GALNTL6: variants seen among roughly 807,000 people sequenced by gnomAD.
GALNTL6 encodes polypeptide N-acetylgalactosaminyltransferase-like 6.
GALNTL6 carries 46 observed loss-of-function variants against 73.7 expected under a neutral mutation model. That is an observed-to-expected ratio of 0.62 (90% confidence interval 0.49 to 0.80). The LOEUF (loss-of-function observed/expected upper bound fraction) is 0.80, where lower values mean the gene tolerates loss of function less well. Among genes scored for constraint, GALNTL6 ranks in the 30% least tolerant of loss-of-function variants. The pLI is 0.00. For synonymous variants in GALNTL6, 259 were observed against 263.7 expected (o/e 0.98, Z 0.17); for missense variants, 604 against 755.0 (o/e 0.80, Z 2.34).
At chr4:172,161,814 C>T (rs750799740) in intron 2 of GALNTL6, among the ~76,000 whole-genome samples, 2 of 151,898 alleles carry the variant, frequency 1.3e-5, no homozygotes, top group Non-Finnish European at 2.9e-5. Flanking sequence ...GATCAGAGTG[C>T]TATGCTTGAC....
Position 172,554,570 on chromosome 4 carries a change from G to A in GALNTL6, c.553+205881G>A, listed in dbSNP as rs142033857. Among the ~76,000 whole-genome samples the A allele has an allele frequency of 1.4e-4, 22 of 152,198 alleles. 1 individual carries two copies. The highest frequency in any genetic ancestry group is 1.0e-3 in the Admixed American group (16 of 15,290). ...ACAGAATATTAGTAGCTACCATGAG[G>A]CCCTACTTTCTCCTCCCCACTAGAA... On this transcript the variant is annotated intron_variant, in intron 5 of 12. Transcript: ENST00000506823.
chr4:171,851,217 A>G (rs1735514807), intron 2 of GALNTL6, among the ~76,000 whole-genome samples: 1 of 152,150 alleles, frequency 6.6e-6, no homozygotes, highest in Non-Finnish European at 1.5e-5. Flanking sequence ...TTACTTTTCC[A>G]TCTCATATTT....
intron 7 of GALNTL6, among the ~76,000 whole-genome samples, chr4:172,830,886 G>A (rs929644480): frequency 1.3e-5 from 2 of 152,162 alleles, no homozygotes; most frequent in African/African-American, 4.8e-5. Flanking sequence ...TCAGGCGGGA[G>A]CAGTAGCGCA....
intron 2 of GALNTL6, among the ~76,000 whole-genome samples, chr4:172,177,760 T>TACAC (rs1735058892): frequency 8.0e-5 from 7 of 87,236 alleles, no homozygotes; most frequent in Non-Finnish European, 1.3e-4. Flanking sequence ...TATATGTGTG[T>TACAC]ATATATATGT....
At chr4:172,223,720 A>G (rs888311130) in intron 2 of GALNTL6, among the ~76,000 whole-genome samples, 1 of 152,146 alleles carries the variant, frequency 6.6e-6, no homozygotes, top group Non-Finnish European at 1.5e-5. Flanking sequence ...ATCAAATTCT[A>G]GCTTGCCACT....
chr4:172,848,686 T>A (rs1251459120), intron 7 of GALNTL6, among the ~76,000 whole-genome samples: 1 of 152,172 alleles, frequency 6.6e-6, no homozygotes, highest in Non-Finnish European at 1.5e-5. Context: ...TAATGCACAT[T>A]AAAAGGGTTA....
At chr4:172,012,589 C>T (rs935110913) in intron 2 of GALNTL6, among the ~76,000 whole-genome samples, 1 of 151,816 alleles carries the variant, frequency 6.6e-6, no homozygotes. Flanking sequence ...AACTGTAAAC[C>T]CTCTCCTGAG....
At chr4:172,824,890 A>G (rs993704803) in intron 7 of GALNTL6, among the ~76,000 whole-genome samples, 4 of 152,202 alleles carry the variant, frequency 2.6e-5, no homozygotes, top group Non-Finnish European at 5.9e-5. Context: ...AGAAGTCATT[A>G]GTCTTTACTG....
chr4:172,949,016 T>C (rs928059698), intron 9 of GALNTL6, among the ~76,000 whole-genome samples: 5 of 152,218 alleles, frequency 3.3e-5, no homozygotes. Flanking sequence ...AGTTCCTCTA[T>C]GAGTTTTGCA....
chr4:173,017,139 CCT>C (rs1752815789), intron 11 of GALNTL6, among the ~76,000 whole-genome samples: 1 of 152,172 alleles, frequency 6.6e-6, no homozygotes, highest in Non-Finnish European at 1.5e-5. Context: ...GTCAATTAAA[CCT>C]CTTTCTTTTA....
intron 8 of GALNTL6, among the ~76,000 whole-genome samples, chr4:172,895,109 G>A (rs1389762660): frequency 6.6e-6 from 1 of 151,326 alleles, no homozygotes; most frequent in Admixed American, 6.6e-5. Flanking sequence ...TTTCTTATAG[G>A]CAGCATATAG....
chr4:172,060,156 A>G (rs1057353805), intron 2 of GALNTL6, among the ~76,000 whole-genome samples: 1 of 152,228 alleles, frequency 6.6e-6, no homozygotes, highest in African/African-American at 2.4e-5. Flanking sequence ...CCAAATTAAT[A>G]CCATCTTAAC....
intron 5 of GALNTL6, among the ~76,000 whole-genome samples, chr4:172,574,357 G>A (rs1736882438): frequency 6.6e-6 from 1 of 151,824 alleles, no homozygotes; most frequent in Non-Finnish European, 1.5e-5. Flanking sequence ...GAGAGGTTTT[G>A]CAGTAGTATG....
intron 2 of GALNTL6, among the ~76,000 whole-genome samples, chr4:172,139,127 C>T (rs1039467801): frequency 6.6e-6 from 1 of 152,082 alleles, no homozygotes; most frequent in African/African-American, 2.4e-5. Context: ...TATAAGGCCA[C>T]TGTGCTAGAC....
intron 5 of GALNTL6, among the ~76,000 whole-genome samples, chr4:172,582,919 G>C (rs926981638): frequency 1.3e-5 from 2 of 152,298 alleles, no homozygotes; most frequent in African/African-American, 4.8e-5. Context: ...ATGTTTGATA[G>C]ATTATGTCTA....
intron 2 of GALNTL6, among the ~76,000 whole-genome samples, chr4:171,953,711 A>G (rs1738957667): frequency 6.6e-6 from 1 of 152,172 alleles, no homozygotes. Flanking sequence ...TACATGGAGG[A>G]CAAATACAAG....
chr4:171,892,696 T>C (rs969370752), intron 2 of GALNTL6, among the ~76,000 whole-genome samples: 2 of 152,020 alleles, frequency 1.3e-5, no homozygotes, highest in African/African-American at 4.8e-5. Flanking sequence ...CAAGTAGCTG[T>C]CACTACACTT....
At chr4:172,349,376 C>T (rs1444026830) in intron 5 of GALNTL6, among the ~76,000 whole-genome samples, 1 of 152,028 alleles carries the variant, frequency 6.6e-6, no homozygotes, top group East Asian at 1.9e-4. Context: ...AGGAGCTACA[C>T]TTAACTGTAT....
At chr4:172,617,424 A>G (rs375310455) in intron 5 of GALNTL6, among the ~76,000 whole-genome samples, 3 of 151,312 alleles carry the variant, frequency 2.0e-5, no homozygotes, top group African/African-American at 7.2e-5. Context: ...AAAAAGAAGA[A>G]AAGAAAATGC....
Sources: gnomAD v4.1 joint callset for allele counts (sites outside exome capture counted in the v4.1 genomes callset) on GRCh38, gnomAD v4.1.1 for gene constraint, MANE v1.5 for transcripts, NCBI Gene and HGNC (gene_info 2026-07-23, HGNC 2026-07-21) for gene names.